The following EPB41L2 variants were observed in gnomAD, a reference collection of about 807,000 sequenced individuals.
EPB41L2 encodes the protein band 4.1-like protein 2.
EPB41L2 carries 43 observed loss-of-function variants against 113.0 expected under a neutral mutation model. That is an observed-to-expected ratio of 0.38 (90% CI 0.30 to 0.49). The LOEUF (loss-of-function observed/expected upper bound fraction) is 0.49. Among genes scored for constraint, EPB41L2 ranks in the 20% least tolerant of loss-of-function variants. The probability of loss-of-function intolerance (pLI) is 0.95; values close to 1 mark genes in which losing one functional copy is unlikely to be tolerated. For synonymous variants in EPB41L2, 442 were observed against 436.7 expected, an observed-to-expected ratio of 1.01 and a Z score of -0.15; for missense variants, 1,147 against 1,223.4, an observed-to-expected ratio of 0.94 and a Z score of 0.93.
At chr6:130,883,489 T>C (rs1789940080) in intron 12 of EPB41L2, among the ~76,000 whole-genome samples, 1 of 152,202 alleles carries the variant, frequency 6.6e-6, no homozygotes, top group South Asian at 2.1e-4. Flanking sequence ...CTGACAGACA[T>C]TCAAAGCATT....
At chr6:131,055,039 G>T (rs1358948002) in intron 1 of EPB41L2, among the ~76,000 whole-genome samples, 1 of 152,334 alleles carries the variant, frequency 6.6e-6, no homozygotes, top group South Asian at 2.1e-4. Context: ...ATGAAAAACA[G>T]TTTGCTGCTT....
intron 12 of EPB41L2, chr6:130,881,170 A>G (rs1789184889): frequency 6.6e-6 from 1 of 152,196 alleles, no homozygotes; most frequent in Non-Finnish European, 1.5e-5. Context: ...AAATGGTGAG[A>G]ATAAAAATAT....
chr6:130,841,449 G>A (rs916879557), intron 19 of EPB41L2, among the ~76,000 whole-genome samples: 1 of 152,158 alleles, frequency 6.6e-6, no homozygotes, highest in Non-Finnish European at 1.5e-5. Flanking sequence ...TTTACGTTTT[G>A]AAAACACTGC....
intron 1 of EPB41L2, among the ~76,000 whole-genome samples, chr6:131,052,581 G>A (rs954117328): frequency 1.9e-4 from 29 of 152,112 alleles, no homozygotes; most frequent in Admixed American, 1.6e-3. Flanking sequence ...ATAAGGATCA[G>A]GATAACTTCA....
chr6:130,985,286 A>G (rs1420658413), intron 1 of EPB41L2, among the ~76,000 whole-genome samples: 1 of 152,068 alleles, frequency 6.6e-6, no homozygotes, highest in Non-Finnish European at 1.5e-5. Context: ...CCCTGGACTC[A>G]GCCACATTTG....
chr6:130,861,324 G>A (rs979767951), intron 18 of EPB41L2, among the ~76,000 whole-genome samples: 4 of 151,862 alleles, frequency 2.6e-5, no homozygotes, highest in African/African-American at 9.7e-5. Context: ...TGCCCACCTC[G>A]GCCTCCCAAA....
intron 1 of EPB41L2, among the ~76,000 whole-genome samples, chr6:130,981,196 T>C (rs1779313355): frequency 6.6e-6 from 1 of 152,204 alleles, no homozygotes; most frequent in Admixed American, 6.5e-5. Context: ...AGTAACTTGA[T>C]TTGTAAATCA....
At chr6:131,023,768 T>C (rs9492786) in intron 1 of EPB41L2, among the ~76,000 whole-genome samples, 1 of 132,426 alleles carries the variant, frequency 7.6e-6, no homozygotes, top group Non-Finnish European at 1.7e-5. Flanking sequence ...TATATAGATA[T>C]ATAGATATAT....
chr6:130,914,863 C>T (rs1800452194), intron 4 of EPB41L2, among the ~76,000 whole-genome samples: 2 of 152,152 alleles, frequency 1.3e-5, no homozygotes, highest in Non-Finnish European at 2.9e-5. Flanking sequence ...CTAATCCAAA[C>T]CCAAAACATG....
intron 9 of EPB41L2, 76 bp from the exon 10 acceptor site, chr6:130,894,517 G>C: frequency 2.3e-6 from 3 of 1,304,860 alleles, no homozygotes; most frequent in Non-Finnish European, 3.3e-6. Flanking sequence ...CATGCATTCA[G>C]ATGTTTCTGT....
rs759961373 is a variant in EPB41L2, at chr6:130,901,186, A to G, written c.930-6T>C. The G allele has an allele frequency of 1.2e-6, 2 of 1,612,440 alleles. No individual in the cohort carries two copies. The highest frequency in any genetic ancestry group is 2.7e-5 in the African/African-American group (2 of 74,908). On this transcript the variant is annotated splice_polypyrimidine_tract_variant and splice_region_variant and intron_variant, in intron 6 of 19. Coordinates refer to ENST00000337057, the MANE Select transcript of EPB41L2 (RefSeq NM_001431.4). ...GCTGAAGGCACAAGAAGTATCTGTG[A>G]GGAGCAGAGGGAGAAATGGGTCAGG...
At chr6:130,958,468 CAA>C (rs200548809) in intron 1 of EPB41L2, among the ~76,000 whole-genome samples, 20 of 113,884 alleles carry the variant, frequency 1.8e-4, no homozygotes, top group South Asian at 6.0e-4. Context: ...ACAACAACAA[CAA>C]AAAAAAAAAA....
intron 3 of EPB41L2, among the ~76,000 whole-genome samples, chr6:130,954,229 AT>A (rs1189293312): frequency 6.6e-6 from 1 of 150,388 alleles, no homozygotes; most frequent in East Asian, 2.0e-4. Flanking sequence ...ATTTTTTTGT[AT>A]TTTTAGTAGA....
chr6:130,995,139 A>G (rs1782787459), intron 1 of EPB41L2, among the ~76,000 whole-genome samples: 1 of 151,422 alleles, frequency 6.6e-6, no homozygotes, highest in Admixed American at 6.6e-5. Context: ...GATCAAGACC[A>G]TCCTGGCTAA....
intron 1 of EPB41L2, among the ~76,000 whole-genome samples, chr6:131,039,786 C>T (rs183824087): frequency 1.3e-5 from 2 of 151,330 alleles, no homozygotes; most frequent in African/African-American, 4.9e-5. Flanking sequence ...GACTGAAACA[C>T]TGAATATATA....
At chr6:130,968,446 C>T (rs73621548) in intron 1 of EPB41L2, among the ~76,000 whole-genome samples, 2,656 of 152,204 alleles carry the variant, frequency 0.017, 86 homozygotes, top group African/African-American at 0.059. Context: ...AAATTTTGGC[C>T]GTTAGTTCTT....
Position 130,969,217 on chromosome 6 carries a change from C to CA in EPB41L2, c.-14-12719dup, listed in dbSNP as rs554442017. On this transcript the variant is annotated intron_variant, in intron 1 of 19. Coordinates refer to ENST00000337057, the MANE Select transcript of EPB41L2 (RefSeq NM_001431.4). ...TTGAAGAGACAATTCTTCCTTGTGA[C>CA]AAAAAAAAAAATGGAAAACTTAAAC... is the stretch of plus-strand genomic sequence containing the variant. 9.9e-3 allele frequency among the ~76,000 whole-genome samples: 1,422 copies of CA among 143,274 alleles called. 11 individuals carry two copies. The highest frequency in any genetic ancestry group is 0.015 in the Middle Eastern group (4 of 266). 94.0% of individuals were successfully genotyped at this position (143,274 alleles called of 152,430 possible).
At chr6:130,955,509 T>C (rs567186584) in intron 2 of EPB41L2, among the ~76,000 whole-genome samples, 192 bp from the exon 3 acceptor site, 1 of 152,198 alleles carries the variant, frequency 6.6e-6, no homozygotes, top group Non-Finnish European at 1.5e-5. Context: ...AAAATTCTCA[T>C]TTTGCCAAGT....
chr6:130,998,634 A>C (rs1316238163), intron 1 of EPB41L2, among the ~76,000 whole-genome samples: 1 of 152,162 alleles, frequency 6.6e-6, no homozygotes, highest in Non-Finnish European at 1.5e-5. Flanking sequence ...ACTCTGAAAA[A>C]CTATTTGATG....
Sources: gnomAD v4.1 joint callset for allele counts (sites outside exome capture counted in the v4.1 genomes callset) on GRCh38, gnomAD v4.1.1 for gene constraint, MANE v1.5 for transcripts, NCBI Gene and HGNC (gene_info 2026-07-23, HGNC 2026-07-21) for gene names.